The following GRIA2 variants were observed in gnomAD, a reference collection of about 807,000 sequenced individuals.
The protein encoded by GRIA2 is glutamate ionotropic receptor AMPA type subunit 2, also known as glutamate receptor 2.
GRIA2 carries 14 observed loss-of-function variants against 97.3 expected under a neutral mutation model. That is an observed-to-expected ratio of 0.14 (90% confidence interval 0.10 to 0.23). The LOEUF is 0.23. GRIA2 is among the 10% of genes least tolerant of loss of function. The probability of loss-of-function intolerance (pLI) is 1.00; values close to 1 mark genes in which losing one functional copy is unlikely to be tolerated. For missense variants in GRIA2, 558 were observed against 1,069.8 expected (o/e 0.52, Z 6.67); for synonymous variants, 412 against 387.8 (o/e 1.06, Z -0.73).
rs187203790 is a variant in GRIA2 at position 157,236,456 on chromosome 4, T to C, written c.229+14649T>C. Among the ~76,000 whole-genome samples the C allele has an allele frequency of 5.1e-4, 77 of 152,244 alleles. No individual in the cohort carries two copies. In the East Asian group the frequency reaches 0.01, roughly 21 times the overall value. On this transcript the variant is annotated intron_variant, in intron 2 of 15. Coordinates refer to ENST00000264426, the MANE Select transcript of GRIA2 (RefSeq NM_001083619.3). ...TGCAGAGATTTTCCTCTTCTTTTTT[T>C]CTAGTTATTGCATGGTATTCTGTTG...
At chr4:157,229,497 G>C (rs186429056) in intron 2 of GRIA2, among the ~76,000 whole-genome samples, 1 of 152,136 alleles carries the variant, frequency 6.6e-6, no homozygotes, top group Non-Finnish European at 1.5e-5. Context: ...GAGATACCAG[G>C]TTCCTTATAG....
intron 12 of GRIA2, among the ~76,000 whole-genome samples, chr4:157,355,951 T>A (rs973005429): frequency 2.9e-4 from 20 of 68,020 alleles, no homozygotes; most frequent in East Asian, 3.6e-4. Flanking sequence ...TAATATATAT[T>A]TATATATTTA....
At chr4:157,234,655 C>T (rs1579292322) in intron 2 of GRIA2, among the ~76,000 whole-genome samples, 1 of 152,110 alleles carries the variant, frequency 6.6e-6, no homozygotes, top group East Asian at 1.9e-4. Context: ...AAACTTGGAA[C>T]AGGTTCATTG....
intron 6 of GRIA2, among the ~76,000 whole-genome samples, chr4:157,328,985 A>C (rs1280805418): frequency 1.3e-5 from 2 of 151,990 alleles, no homozygotes; most frequent in Non-Finnish European, 2.9e-5. Flanking sequence ...GCCTTTATGC[A>C]GTGAAGTTTC....
chr4:157,292,395 T>C (rs1307823244), intron 2 of GRIA2, among the ~76,000 whole-genome samples: 3 of 152,042 alleles, frequency 2.0e-5, no homozygotes, highest in African/African-American at 7.2e-5. Flanking sequence ...CAGATATTAA[T>C]ATTAGAAGAA....
intron 2 of GRIA2, among the ~76,000 whole-genome samples, chr4:157,269,748 G>GACTC (rs1467693586): frequency 1.3e-5 from 2 of 151,972 alleles, no homozygotes; most frequent in African/African-American, 4.8e-5. Context: ...GACAGTTATG[G>GACTC]ACTCCTTAAC....
chr4:157,258,646 C>T (rs1182040165), intron 2 of GRIA2, among the ~76,000 whole-genome samples: 1 of 152,040 alleles, frequency 6.6e-6, no homozygotes, highest in African/African-American at 2.4e-5. Context: ...GTGACCCACA[C>T]CCTATTTGTA....
chr4:157,328,312 G>T (rs567287540), intron 6 of GRIA2, among the ~76,000 whole-genome samples: 1 of 151,914 alleles, frequency 6.6e-6, no homozygotes, highest in Admixed American at 6.6e-5. Context: ...GCTAACTTAA[G>T]CCCTCAATAA....
chr4:157,228,790 CAAAAAAAAAA>C (rs5863257), intron 2 of GRIA2, among the ~76,000 whole-genome samples: 4 of 39,764 alleles, frequency 1.0e-4, no homozygotes, highest in Admixed American at 5.4e-4. Context: ...GATTCCATCT[CAAAAAAAAAA>C]AAAAAAAAAA....
At chr4:157,350,174 G>A (rs1056397955) in intron 12 of GRIA2, among the ~76,000 whole-genome samples, 1 of 151,918 alleles carries the variant, frequency 6.6e-6, no homozygotes, top group Non-Finnish European at 1.5e-5. Flanking sequence ...TTAAGTAATT[G>A]CTTTCTTTTG....
intron 2 of GRIA2, among the ~76,000 whole-genome samples, chr4:157,232,796 C>A (rs760466587): frequency 1.3e-5 from 2 of 152,066 alleles, no homozygotes; most frequent in Non-Finnish European, 2.9e-5. Context: ...TAGTTTGTAG[C>A]CTTGGTGTCT....
At chr4:157,357,669 T>G (rs1055952586) in intron 12 of GRIA2, among the ~76,000 whole-genome samples, 1 of 152,090 alleles carries the variant, frequency 6.6e-6, no homozygotes. Context: ...CTTGTATGTC[T>G]AGGTGACCTA....
At chr4:157,262,750 CCT>C (rs757562371) in intron 2 of GRIA2, among the ~76,000 whole-genome samples, 2 of 150,438 alleles carry the variant, frequency 1.3e-5, no homozygotes, top group Admixed American at 6.7e-5. Flanking sequence ...GCTCAATTTC[CCT>C]CTCTCTCTCT....
chr4:157,291,429 T>C (rs778627324), intron 2 of GRIA2, among the ~76,000 whole-genome samples: 5 of 151,978 alleles, frequency 3.3e-5, no homozygotes, highest in Non-Finnish European at 7.4e-5. Context: ...TAACTTGCAA[T>C]ATATTTTCTC....
intron 2 of GRIA2, among the ~76,000 whole-genome samples, chr4:157,222,093 G>A (rs940344588): frequency 6.6e-6 from 1 of 152,112 alleles, no homozygotes; most frequent in Non-Finnish European, 1.5e-5. Context: ...GCTTTCTTGG[G>A]TTCAAGGGGT....
intron 2 of GRIA2, among the ~76,000 whole-genome samples, chr4:157,224,231 A>G (rs1729642611): frequency 6.6e-6 from 1 of 152,178 alleles, no homozygotes; most frequent in African/African-American, 2.4e-5. Context: ...TGCATGGATT[A>G]TTATAGTAGG....
intron 2 of GRIA2, among the ~76,000 whole-genome samples, chr4:157,301,103 G>T (rs1368902390): frequency 6.6e-6 from 1 of 152,092 alleles, no homozygotes; most frequent in Admixed American, 6.6e-5. Flanking sequence ...GCAGGGAAAT[G>T]GAATTAAATA....
At chr4:157,303,475 A>G in intron 2 of GRIA2, 77 bp from the exon 3 acceptor site, 1 of 1,205,630 alleles carries the variant, frequency 8.3e-7, no homozygotes, top group Non-Finnish European at 1.2e-6. Flanking sequence ...GTAAAAGGAC[A>G]TTACGTTTTA....
At chr4:157,292,419 G>A (rs1181728474) in intron 2 of GRIA2, among the ~76,000 whole-genome samples, 1 of 151,812 alleles carries the variant, frequency 6.6e-6, no homozygotes, top group East Asian at 1.9e-4. Flanking sequence ...AATGTAAAAG[G>A]GATAGTTAAA....
Sources: allele counts gnomAD v4.1 joint callset (sites outside exome capture counted in the v4.1 genomes callset), GRCh38; gene constraint gnomAD v4.1.1; transcripts MANE v1.5; gene names NCBI Gene and HGNC (gene_info 2026-07-23, HGNC 2026-07-21).